TMEM132B: variants seen among roughly 807,000 people sequenced by gnomAD.
TMEM132B encodes transmembrane protein 132B.
Under a neutral mutation model 90.8 loss-of-function variants are expected in TMEM132B, and 18 were observed. The observed-to-expected ratio is 0.20, with a 90% CI of 0.14 to 0.29. The LOEUF is 0.29. TMEM132B is among the 10% of genes least tolerant of loss of function. The pLI is 1.00. For missense variants in TMEM132B, 1,096 were observed against 1,326.8 expected, an observed-to-expected ratio of 0.83 and a Z score of 2.70; for synonymous variants, 504 against 523.3, an observed-to-expected ratio of 0.96 and a Z score of 0.50.
At chr12:125,300,476 C>T (rs1197754852) in intron 1 of TMEM132B, among the ~76,000 whole-genome samples, 2 of 152,184 alleles carry the variant, frequency 1.3e-5, no homozygotes, top group African/African-American at 2.4e-5. Flanking sequence ...AGAAGTGGCA[C>T]CTACCTATCT....
chr12:125,295,173 A>C, intron 1 of TMEM132B, among the ~76,000 whole-genome samples: 1 of 152,234 alleles, frequency 6.6e-6, no homozygotes, highest in East Asian at 1.9e-4. Flanking sequence ...GTTAAAAAGG[A>C]AAAAAAGCTC....
At chr12:125,617,604 C>G (rs1886020941) in intron 5 of TMEM132B, among the ~76,000 whole-genome samples, 1 of 152,148 alleles carries the variant, frequency 6.6e-6, no homozygotes, top group Non-Finnish European at 1.5e-5. Flanking sequence ...CTCGGCCTCC[C>G]AAAGTGCTGG....
At position 125,644,134 on chromosome 12, in the gene TMEM132B, A is replaced by G; in HGVS notation, c.1496A>G (p.Asp499Gly). Reference protein sequence around the residue: ...VNGKEMKSKVDTIVNFTHQHF... With the variant: ...VNGKEMKSKVGTIVNFTHQHF... ...GGGAAGGAAATGAAGAGCAAAGTGGACACGATTGTGAACTTCACCCACCAG... is the reference window on the plus strand; with the variant it reads ...GGGAAGGAAATGAAGAGCAAAGTGGGCACGATTGTGAACTTCACCCACCAG... The change falls in exon 6 of 9, where the codon GAC becomes GGC. Residue 499 changes from aspartate to glycine, a missense_variant. Physicochemically the swap from Asp to Gly is moderately conservative, Grantham distance 94. Transcript: ENST00000682704. 6.2e-7 allele frequency: 1 copy of G among 1,614,226 alleles called. No homozygotes were observed. The highest frequency in any genetic ancestry group is 8.5e-7 in the Non-Finnish European group (1 of 1,180,036).
chr12:125,272,893 AT>A (rs763912398), intron 1 of TMEM132B, among the ~76,000 whole-genome samples: 78 of 152,280 alleles, frequency 5.1e-4, no homozygotes, highest in Admixed American at 9.8e-4. Context: ...TTTGAATGTC[AT>A]TCTTCGCTCA....
chr12:125,590,410 A>G (rs1378298990), intron 5 of TMEM132B, among the ~76,000 whole-genome samples: 5 of 152,252 alleles, frequency 3.3e-5, no homozygotes, highest in Non-Finnish European at 7.3e-5. Flanking sequence ...AATGAATGCT[A>G]GAGCTTCCCA....
chr12:125,339,510 G>A (rs1367513809), intron 1 of TMEM132B, among the ~76,000 whole-genome samples: 3 of 152,192 alleles, frequency 2.0e-5, no homozygotes, highest in South Asian at 2.1e-4. Context: ...TCTGACGATG[G>A]AACACCCACT....
intron 4 of TMEM132B, among the ~76,000 whole-genome samples, chr12:125,546,466 G>A (rs1265020511): frequency 6.6e-6 from 1 of 152,210 alleles, no homozygotes; most frequent in East Asian, 1.9e-4. Flanking sequence ...ACAGGCATGA[G>A]CCACCACGAC....
intron 1 of TMEM132B, among the ~76,000 whole-genome samples, chr12:125,268,842 C>G (rs547774624): frequency 2.0e-5 from 3 of 152,118 alleles, no homozygotes; most frequent in African/African-American, 7.2e-5. Flanking sequence ...TCTGAGAGGG[C>G]GTGGGTTTCC....
intron 3 of TMEM132B, among the ~76,000 whole-genome samples, chr12:125,438,608 C>T (rs910237393): frequency 6.6e-6 from 1 of 152,202 alleles, no homozygotes; most frequent in Non-Finnish European, 1.5e-5. Context: ...TCCCAAAATA[C>T]GCTGCAGAGC....
chr12:125,515,969 G>A (rs62637906), intron 3 of TMEM132B, among the ~76,000 whole-genome samples: 3,507 of 151,304 alleles, frequency 0.023, 71 homozygotes, highest in Non-Finnish European at 0.039. Flanking sequence ...CTCTTGTGCC[G>A]ACACACACAC....
chr12:125,408,763 C>T lies in TMEM132B; in HGVS notation c.960-6768C>T, dbSNP rs149793330. Among the ~76,000 whole-genome samples the T allele has an allele frequency of 1.4e-4, 21 of 152,148 alleles. No individual in the cohort carries two copies. The highest frequency in any genetic ancestry group is 5.8e-4 in the East Asian group (3 of 5,178). On this transcript the variant is annotated intron_variant, in intron 2 of 8. Transcript: ENST00000682704. The surrounding 1 kb of genome is among the most constrained non-coding windows in gnomAD (Gnocchi z 5.9). Reference sequence around the variant, plus strand: ...AGTGGCAATGCTGTTACAGGGTCTACGGAAATTCAGGCTTTGTAGTTATCA... The same window carrying T: ...AGTGGCAATGCTGTTACAGGGTCTATGGAAATTCAGGCTTTGTAGTTATCA...
intron 4 of TMEM132B, among the ~76,000 whole-genome samples, chr12:125,536,702 G>T (rs76023826): frequency 0.028 from 4,199 of 152,080 alleles, 172 homozygotes; most frequent in African/African-American, 0.083. Flanking sequence ...ACCAAATCAC[G>T]CTGTGGGCAA....
At chr12:125,367,485 T>G (rs1878169917) in intron 2 of TMEM132B, among the ~76,000 whole-genome samples, 1 of 152,216 alleles carries the variant, frequency 6.6e-6, no homozygotes, top group Non-Finnish European at 1.5e-5. Flanking sequence ...AGGTAGAATT[T>G]GAGCATTCTC....
intron 4 of TMEM132B, among the ~76,000 whole-genome samples, chr12:125,572,997 ATT>A (rs1171043237): frequency 6.6e-6 from 1 of 152,114 alleles, no homozygotes; most frequent in African/African-American, 2.4e-5. Context: ...TCCTTTTGAC[ATT>A]TTTTTTGAGC....
chr12:125,431,241 C>T (rs928768915), intron 3 of TMEM132B, among the ~76,000 whole-genome samples: 5 of 152,070 alleles, frequency 3.3e-5, no homozygotes, highest in Non-Finnish European at 7.4e-5. Flanking sequence ...TGAGGGCTAT[C>T]GCCATCATCC....
chr12:125,570,618 G>C (rs1301958455), intron 4 of TMEM132B, among the ~76,000 whole-genome samples: 1 of 152,168 alleles, frequency 6.6e-6, no homozygotes, highest in Non-Finnish European at 1.5e-5. Flanking sequence ...TTTCTGCCTC[G>C]TAGATAATAA....
At chr12:125,299,659 G>T (rs1429535547) in intron 1 of TMEM132B, among the ~76,000 whole-genome samples, 2 of 152,168 alleles carry the variant, frequency 1.3e-5, no homozygotes, top group Non-Finnish European at 2.9e-5. Context: ...AAGCCCTGGG[G>T]CCACCCTTGT....
rs1566034782 is a variant in TMEM132B, at chr12:125,432,489, ATGTGTATATATATGTGTGTG to A, written c.1106+16816_1106+16835del. Among the ~76,000 whole-genome samples, 95 of 64,162 alleles carry A rather than the reference ATGTGTATATATATGTGTGTG, an allele frequency of 1.5e-3. 15 individuals are homozygous for A. The highest frequency in any genetic ancestry group is 1.9e-3 in the Admixed American group (10 of 5,146). The allele number at this position is 64,162 out of a possible 152,430, so 42.1% of individuals were successfully genotyped here. On this transcript the variant is annotated intron_variant, in intron 3 of 8. Coordinates refer to ENST00000682704, the MANE Select transcript of TMEM132B (RefSeq NM_001366854.1). Reference sequence around the variant, plus strand: ...TATATATGTATGTGTATATATATGTATGTGTATATATATGTGTGTGTGTATATATATATATATATAGAGAG... The same window carrying A: ...TATATATGTATGTGTATATATATGTATGTATATATATATATATATAGAGAG...
At chr12:125,539,238 T>A (rs1215978071) in intron 4 of TMEM132B, among the ~76,000 whole-genome samples, 2 of 152,196 alleles carry the variant, frequency 1.3e-5, no homozygotes, top group Non-Finnish European at 2.9e-5. Context: ...CCCTCTTCCC[T>A]CACTTCTCAT....
Sources: allele counts gnomAD v4.1 joint callset (sites outside exome capture counted in the v4.1 genomes callset), GRCh38; gene constraint gnomAD v4.1.1; non-coding constraint Gnocchi (gnomAD v3.1); transcripts MANE v1.5; gene names NCBI Gene and HGNC (gene_info 2026-07-23, HGNC 2026-07-21).